Variants in SMYD3 observed in about 807,000 individuals in gnomAD.
SMYD3 encodes SET and MYND domain containing 3, also known as histone-lysine N-methyltransferase SMYD3.
In SMYD3, 36 loss-of-function variants were observed where a neutral mutation model predicts 57.7. The ratio of observed to expected loss-of-function variants is 0.62; its 90% CI spans 0.48 to 0.82. SMYD3 has a LOEUF of 0.82. Ranked by LOEUF, SMYD3 falls within the 40% of genes least tolerant of loss-of-function variation. SMYD3 has a pLI of 0.00. For synonymous variants in SMYD3, 211 were observed against 195.0 expected, an observed-to-expected ratio of 1.08 and a Z score of -0.68; for missense variants, 515 against 538.8, an observed-to-expected ratio of 0.96 and a Z score of 0.44.
intron 10 of SMYD3, chr1:245,814,357 G>A: frequency 2.0e-6 from 2 of 984,478 alleles, no homozygotes; most frequent in Non-Finnish European, 2.4e-6. Context: ...GCAGCACCAG[G>A]AATCAGGACA....
At chr1:245,846,886 T>G (rs1375944111) in intron 10 of SMYD3, among the ~76,000 whole-genome samples, 2 of 152,176 alleles carry the variant, frequency 1.3e-5, no homozygotes, top group Non-Finnish European at 2.9e-5. Flanking sequence ...GAGAGCAGAT[T>G]TGTTCCTCTT....
chr1:246,320,917 C>T (rs1285114394), intron 5 of SMYD3, among the ~76,000 whole-genome samples: 2 of 152,172 alleles, frequency 1.3e-5, no homozygotes, highest in Admixed American at 1.3e-4. Context: ...CGCTTAATTC[C>T]ATCCTTTTAA....
intron 5 of SMYD3, among the ~76,000 whole-genome samples, chr1:246,322,646 C>A (rs868809656): frequency 3.3e-5 from 5 of 152,144 alleles, no homozygotes; most frequent in African/African-American, 1.2e-4. Flanking sequence ...GAAATTAACA[C>A]CTTTCATTGC....
chr1:246,201,311 G>C (rs1385230334), intron 5 of SMYD3, among the ~76,000 whole-genome samples: 2 of 152,172 alleles, frequency 1.3e-5, no homozygotes, highest in Admixed American at 6.5e-5. Flanking sequence ...CTTATTAATA[G>C]GGGGTTAAAG....
In SMYD3 at chr1:245,806,779, G is replaced by A. The variant is rs542258178; in HGVS notation, c.1077-42630C>T. On this transcript the variant is annotated intron_variant, in intron 10 of 11. Coordinates refer to ENST00000490107, the MANE Select transcript of SMYD3 (RefSeq NM_001167740.2). ...CAAAAAATTAGCCGGGCGCGGTGGC[G>A]GGCGCCTGTAGTCCCAGCTACTCGG... 1.7e-4 allele frequency among the ~76,000 whole-genome samples: 26 copies of A among 151,200 alleles called. No individual in the cohort carries two copies. The South Asian group carries it at 3.6e-3, about 21-fold the overall frequency.
intron 5 of SMYD3, among the ~76,000 whole-genome samples, chr1:246,065,268 G>A (rs565293269): frequency 1.3e-5 from 2 of 152,268 alleles, no homozygotes; most frequent in East Asian, 1.9e-4. Context: ...GAATGCATAC[G>A]TGCACCCATA....
chr1:245,852,083 T>C (rs1223144826), intron 10 of SMYD3, among the ~76,000 whole-genome samples: 2 of 152,240 alleles, frequency 1.3e-5, no homozygotes, highest in Non-Finnish European at 2.9e-5. Flanking sequence ...CCAGATCACC[T>C]AAGCCTGTCT....
chr1:246,145,906 A>G (rs1418300050), intron 5 of SMYD3, among the ~76,000 whole-genome samples: 1 of 152,220 alleles, frequency 6.6e-6, no homozygotes, highest in Non-Finnish European at 1.5e-5. Flanking sequence ...TCTTACCGAT[A>G]TTAAGGAGTA....
intron 1 of SMYD3, among the ~76,000 whole-genome samples, chr1:246,383,861 T>G (rs1179143359): frequency 6.6e-6 from 1 of 152,236 alleles, no homozygotes; most frequent in Non-Finnish European, 1.5e-5. Context: ...GTTAAATATA[T>G]TACAAGCTTG....
chr1:246,481,554 C>CT (rs1218906158), intron 1 of SMYD3, among the ~76,000 whole-genome samples: 1 of 132,646 alleles, frequency 7.5e-6, no homozygotes, highest in Admixed American at 8.2e-5. Flanking sequence ...TCCTGGGTCT[C>CT]TAACTTGCAG....
intron 5 of SMYD3, among the ~76,000 whole-genome samples, chr1:246,003,114 G>A (rs1269120613): frequency 5.3e-5 from 8 of 152,212 alleles, no homozygotes; most frequent in Non-Finnish European, 8.8e-5. Context: ...TGGAAGAGGC[G>A]GAGGGAAAGA....
intron 5 of SMYD3, among the ~76,000 whole-genome samples, chr1:246,245,591 TCAAAA>T (rs945863174): frequency 1.4e-5 from 2 of 147,006 alleles, no homozygotes; most frequent in African/African-American, 2.5e-5. Flanking sequence ...ATTTTACAAA[TCAAAA>T]CAAAAGTAAA....
intron 5 of SMYD3, among the ~76,000 whole-genome samples, chr1:246,033,951 ATAAT>A (rs1246299029): frequency 1.3e-5 from 2 of 152,214 alleles, no homozygotes; most frequent in Non-Finnish European, 2.9e-5. Context: ...ATATGAATCT[ATAAT>A]TATCTCAAAA....
intron 5 of SMYD3, among the ~76,000 whole-genome samples, chr1:246,256,880 TA>T (rs564423556): frequency 1.6e-3 from 240 of 151,674 alleles, no homozygotes; most frequent in Admixed American, 5.6e-3. Context: ...TGTTTTCATT[TA>T]TTTAAATTTT....
intron 1 of SMYD3, among the ~76,000 whole-genome samples, chr1:246,499,086 C>T (rs934671067): frequency 6.6e-6 from 1 of 151,986 alleles, no homozygotes; most frequent in African/African-American, 2.4e-5. Context: ...TAAGCCACCA[C>T]TTGATTAAGC....
intron 8 of SMYD3, among the ~76,000 whole-genome samples, chr1:245,864,148 G>A (rs1380944733): frequency 6.6e-6 from 1 of 152,200 alleles, no homozygotes; most frequent in Non-Finnish European, 1.5e-5. Flanking sequence ...CACTGCACAT[G>A]AGAATGCAAA....
chr1:246,185,972 G>A (rs1311995808), intron 5 of SMYD3, among the ~76,000 whole-genome samples: 1 of 152,030 alleles, frequency 6.6e-6, no homozygotes, highest in African/African-American at 2.4e-5. Flanking sequence ...TAGAATAACA[G>A]AATCATAAAA....
At chr1:245,815,138 C>G (rs2048728699) in intron 10 of SMYD3, among the ~76,000 whole-genome samples, 1 of 152,322 alleles carries the variant, frequency 6.6e-6, no homozygotes, top group Admixed American at 6.5e-5. Context: ...TTGCTACCAA[C>G]AATAAAACAG....
intron 1 of SMYD3, among the ~76,000 whole-genome samples, chr1:246,420,269 G>A (rs1419951016): frequency 6.6e-6 from 1 of 152,006 alleles, no homozygotes; most frequent in Non-Finnish European, 1.5e-5. Flanking sequence ...CACTCGATGA[G>A]GAGTTTAGAA....
Sources: gnomAD v4.1 joint callset for allele counts (sites outside exome capture counted in the v4.1 genomes callset) on GRCh38, gnomAD v4.1.1 for gene constraint, MANE v1.5 for transcripts, NCBI Gene and HGNC (gene_info 2026-07-23, HGNC 2026-07-21) for gene names.